The following NALCN variants were observed in gnomAD, a reference collection of about 807,000 sequenced individuals.
The protein encoded by NALCN is sodium leak channel NALCN.
In NALCN, 111 loss-of-function variants were observed where a neutral mutation model predicts 225.3. The ratio of observed to expected loss-of-function variants is 0.49; its 90% CI spans 0.42 to 0.58. The LOEUF (loss-of-function observed/expected upper bound fraction) is 0.58, where lower values mean the gene tolerates loss of function less well. Ranked by LOEUF, NALCN falls within the 20% of genes least tolerant of loss-of-function variation. NALCN has a pLI of 0.00. For missense variants in NALCN, 1,378 were observed against 2,202.4 expected (o/e 0.63, Z 7.49); for synonymous variants, 764 against 769.0 (o/e 0.99, Z 0.11).
intron 14 of NALCN, among the ~76,000 whole-genome samples, chr13:101,188,776 C>T (rs1047563142): frequency 2.1e-4 from 19 of 89,580 alleles, no homozygotes; most frequent in African/African-American, 1.3e-3. Context: ...CCCCCACCTC[C>T]CAGATTCAAG....
chr13:101,207,993 C>T (rs1016163414), intron 13 of NALCN, among the ~76,000 whole-genome samples: 3 of 151,198 alleles, frequency 2.0e-5, no homozygotes, highest in Admixed American at 2.0e-4. Context: ...AGAGGCGCTG[C>T]CTTTATGAGC....
chr13:101,247,021 A>T (rs2041917164), intron 11 of NALCN, among the ~76,000 whole-genome samples: 1 of 152,164 alleles, frequency 6.6e-6, no homozygotes, highest in Non-Finnish European at 1.5e-5. Context: ...AACGAGGTTA[A>T]CCTCTTTGTT....
chr13:101,058,695 G>A (rs536472497), intron 42 of NALCN: 7 of 145,458 alleles, frequency 4.8e-5, no homozygotes, highest in Admixed American at 4.1e-4. Context: ...TCTTTCTTAG[G>A]CTTTTTCATC....
intron 13 of NALCN, among the ~76,000 whole-genome samples, chr13:101,210,732 GAC>G (rs1374433206): frequency 2.0e-5 from 3 of 152,190 alleles, no homozygotes; most frequent in Non-Finnish European, 4.4e-5. Context: ...GCCATGCTAA[GAC>G]ATGGGCTTTC....
chr13:101,173,979 A>C (rs1291016101), intron 15 of NALCN, among the ~76,000 whole-genome samples: 1 of 152,190 alleles, frequency 6.6e-6, no homozygotes, highest in East Asian at 1.9e-4. Flanking sequence ...CCTACCTTAA[A>C]GGCCAAGATC....
chr13:101,413,976 T>C (rs1049658189), intron 1 of NALCN, among the ~76,000 whole-genome samples: 8 of 152,050 alleles, frequency 5.3e-5, no homozygotes, highest in African/African-American at 1.9e-4. Flanking sequence ...CCTTGACATC[T>C]CTGGGCTCAC....
intron 3 of NALCN, among the ~76,000 whole-genome samples, chr13:101,392,535 A>G (rs2047175658): frequency 6.6e-6 from 1 of 152,174 alleles, no homozygotes; most frequent in South Asian, 2.1e-4. Flanking sequence ...TCAAATCCCA[A>G]TTTTTTGAAC....
At chr13:101,107,390 C>T (rs1288271599) in intron 22 of NALCN, 97 bp downstream of exon 22, 3 of 1,572,692 alleles carry the variant, frequency 1.9e-6, no homozygotes, top group Non-Finnish European at 8.7e-7. Flanking sequence ...ATTTTGTGAC[C>T]CCATTAGGAT....
At chr13:101,265,593 G>C (rs1232601751) in intron 10 of NALCN, among the ~76,000 whole-genome samples, 1 of 152,208 alleles carries the variant, frequency 6.6e-6, no homozygotes, top group Non-Finnish European at 1.5e-5. Context: ...ATTGAAATAA[G>C]AGCTACTGTT....
chr13:101,083,579 G>A, intron 31 of NALCN, 132 bp downstream of exon 31: 1 of 803,026 alleles, frequency 1.2e-6, no homozygotes, highest in South Asian at 1.9e-5. Context: ...GTGGTTTGGA[G>A]CCTGTTTCTG....
intron 28 of NALCN, among the ~76,000 whole-genome samples, chr13:101,094,902 A>G (rs2034423433): frequency 6.6e-6 from 1 of 152,222 alleles, no homozygotes; most frequent in Admixed American, 6.5e-5. Flanking sequence ...AGAAAACTTA[A>G]AAAACAGATA....
At chr13:101,095,454 T>C in intron 28 of NALCN, 120 bp downstream of exon 28, 1 of 761,590 alleles carries the variant, frequency 1.3e-6, no homozygotes, top group Non-Finnish European at 2.1e-6. Context: ...CTGTATGACT[T>C]AAGATCATTT....
chr13:101,136,100 G>A (rs112289761), intron 17 of NALCN, among the ~76,000 whole-genome samples: 2,958 of 152,182 alleles, frequency 0.019, 44 homozygotes, highest in Non-Finnish European at 0.031. Context: ...CTACTCTAAT[G>A]TTAGTTGAAT....
intron 10 of NALCN, among the ~76,000 whole-genome samples, chr13:101,272,652 T>C (rs542779618): frequency 6.6e-6 from 1 of 152,136 alleles, no homozygotes; most frequent in Admixed American, 6.5e-5. Context: ...CAGATTGAAT[T>C]TGGAGAGGAC....
chr13:101,222,527 G>A (rs2040980319), intron 13 of NALCN, among the ~76,000 whole-genome samples: 1 of 152,004 alleles, frequency 6.6e-6, no homozygotes, highest in Non-Finnish European at 1.5e-5. Context: ...CTGGTTTATA[G>A]ATGGCAGTGC....
intron 34 of NALCN, among the ~76,000 whole-genome samples, chr13:101,080,996 T>A (rs892864772): frequency 2.0e-5 from 3 of 152,034 alleles, no homozygotes; most frequent in Admixed American, 6.6e-5. Flanking sequence ...AACACAGATA[T>A]AGAGATGGAG....
chr13:101,090,039 T>C, intron 28 of NALCN, 73 bp from the exon 29 acceptor site: 1 of 1,601,384 alleles, frequency 6.2e-7, no homozygotes, highest in Admixed American at 1.7e-5. Flanking sequence ...CTGTAGCCCT[T>C]TCCAGTCATG....
intron 6 of NALCN, among the ~76,000 whole-genome samples, chr13:101,359,631 C>T (rs2046167334): frequency 6.6e-6 from 1 of 152,198 alleles, no homozygotes; most frequent in South Asian, 2.1e-4. Flanking sequence ...AGCTGATGTG[C>T]ATAAACCATC....
intron 7 of NALCN, among the ~76,000 whole-genome samples, chr13:101,308,192 G>A (rs1443454915): frequency 1.3e-5 from 2 of 152,174 alleles, no homozygotes; most frequent in Non-Finnish European, 2.9e-5. Flanking sequence ...ATTTAAGCCT[G>A]TAGTAGATAT....
Sources: allele counts gnomAD v4.1 joint callset (sites outside exome capture counted in the v4.1 genomes callset), GRCh38; gene constraint gnomAD v4.1.1; transcripts MANE v1.5; gene names NCBI Gene and HGNC (gene_info 2026-07-23, HGNC 2026-07-21).